USH2A: variants seen among roughly 807,000 people sequenced by gnomAD.
USH2A encodes the protein usherin.
USH2A carries 443 observed loss-of-function variants against 538.9 expected under a neutral mutation model. The ratio of observed to expected loss-of-function variants is 0.82; its 90% CI spans 0.76 to 0.89. The LOEUF (loss-of-function observed/expected upper bound fraction) is 0.89, where lower values mean the gene tolerates loss of function less well. Among genes scored for constraint, USH2A ranks in the 40% least tolerant of loss-of-function variants. The probability of loss-of-function intolerance (pLI) is 0.00; values close to 1 mark genes in which losing one functional copy is unlikely to be tolerated. For missense variants in USH2A, 6,633 were observed against 6,324.8 expected (o/e 1.05, Z -1.65); for synonymous variants, 2,413 against 2,273.5 (o/e 1.06, Z -1.75).
intron 49 of USH2A, among the ~76,000 whole-genome samples, chr1:215,812,002 T>TTTTTTA (rs1662706681): frequency 1.4e-5 from 2 of 141,884 alleles, no homozygotes; most frequent in East Asian, 4.2e-4. Context: ...TTTTTTTTTT[T>TTTTTTA]GAGACAGAGT....
At chr1:216,055,619 T>C (rs1186157237) in intron 30 of USH2A, among the ~76,000 whole-genome samples, 1 of 152,230 alleles carries the variant, frequency 6.6e-6, no homozygotes, top group East Asian at 1.9e-4. Context: ...TAATGACATT[T>C]GTTAAATATG....
chr1:215,669,253 A>G (rs996009850), intron 64 of USH2A, among the ~76,000 whole-genome samples: 1 of 152,138 alleles, frequency 6.6e-6, no homozygotes, highest in Non-Finnish European at 1.5e-5. Flanking sequence ...TGTAAGGGAG[A>G]CTAGATAACT....
chr1:216,339,217 G>GA (rs1391881713), intron 4 of USH2A, among the ~76,000 whole-genome samples: 33 of 151,440 alleles, frequency 2.2e-4, no homozygotes, highest in African/African-American at 7.2e-4. Context: ...GTAATTCTCA[G>GA]AAAAATTATT....
In USH2A at chr1:216,414,139, C is replaced by T. The variant is rs114048877; in HGVS notation, c.651+4375G>A. Among the ~76,000 whole-genome samples, 444 of 152,072 alleles carry T rather than the reference C, an allele frequency of 2.9e-3. 5 individuals carry two copies. Among genetic ancestry groups the T allele is most frequent in the African/African-American group, 0.01 (421 of 41,518 alleles). On this transcript the variant is annotated intron_variant, in intron 3 of 71. Coordinates refer to ENST00000307340, the MANE Select transcript of USH2A (RefSeq NM_206933.4). Reference sequence around the variant, plus strand: ...TGAAAACTAAGCTTTAAAAATTTTGCTAATATGATCAGTGTTCCCTATATG... The same window carrying T: ...TGAAAACTAAGCTTTAAAAATTTTGTTAATATGATCAGTGTTCCCTATATG...
At position 215,807,701 on chromosome 1, in the gene USH2A, A is replaced by G. The variant is rs551014045; in HGVS notation, c.9739+6035T>C. The stretch of plus-strand genomic sequence containing the variant: ...AGGATCAACAAGGATCCTTTGTTTC[A>G]TAGGATCTCAAAGGTCATTAGATGT... On this transcript the variant is annotated intron_variant, in intron 49 of 71. Coordinates refer to ENST00000307340, the MANE Select transcript of USH2A (RefSeq NM_206933.4). Among the ~76,000 whole-genome samples the G allele has an allele frequency of 3.9e-5, 6 of 152,144 alleles. No homozygotes were observed. The East Asian group carries it at 1.2e-3, about 29-fold the overall frequency.
intron 37 of USH2A, among the ~76,000 whole-genome samples, chr1:215,962,369 G>A (rs1265295949): frequency 6.6e-6 from 1 of 151,972 alleles, no homozygotes; most frequent in Admixed American, 6.6e-5. Context: ...ATTCATTGAG[G>A]CATTATTTGA....
intron 61 of USH2A, among the ~76,000 whole-genome samples, chr1:215,719,745 T>A (rs1044122758): frequency 2.0e-5 from 3 of 152,202 alleles, no homozygotes; most frequent in African/African-American, 7.2e-5. Flanking sequence ...AAGCAACATT[T>A]TAGTTCAGAC....
intron 11 of USH2A, among the ~76,000 whole-genome samples, chr1:216,273,310 C>T (rs2036609546): frequency 6.6e-6 from 1 of 151,946 alleles, no homozygotes. Flanking sequence ...ACTGAAGAGC[C>T]GAGGGCAATC....
intron 13 of USH2A, among the ~76,000 whole-genome samples, chr1:216,240,052 A>G (rs2035907564): frequency 6.6e-6 from 1 of 151,486 alleles, no homozygotes; most frequent in Admixed American, 6.6e-5. Context: ...GAGAAAAATG[A>G]CAATCAATTA....
At chr1:215,629,088 A>C in intron 70 of USH2A, 53 bp from the exon 71 acceptor site, 1 of 1,528,076 alleles carries the variant, frequency 6.5e-7, no homozygotes, top group Non-Finnish European at 9.1e-7. Context: ...TGGGCTTGAA[A>C]TATGACAGAG....
intron 10 of USH2A, among the ~76,000 whole-genome samples, chr1:216,289,766 A>G (rs2036965432): frequency 2.0e-5 from 3 of 152,158 alleles, no homozygotes; most frequent in African/African-American, 7.2e-5. Flanking sequence ...AAATTTCTAC[A>G]TATGTGGTAG....
intron 61 of USH2A, among the ~76,000 whole-genome samples, chr1:215,682,810 T>C (rs1658282156): frequency 1.3e-5 from 2 of 152,024 alleles, no homozygotes; most frequent in African/African-American, 4.8e-5. Context: ...AATTTCTGTA[T>C]CATGAAATTA....
chr1:216,007,233 G>A (rs1668415954), intron 32 of USH2A, among the ~76,000 whole-genome samples: 1 of 152,020 alleles, frequency 6.6e-6, no homozygotes, highest in African/African-American at 2.4e-5. Flanking sequence ...ACAGTCTCGG[G>A]TATGTCTTTA....
At chr1:216,148,280 A>G in intron 21 of USH2A, among the ~76,000 whole-genome samples, 1 of 151,480 alleles carries the variant, frequency 6.6e-6, no homozygotes, top group East Asian at 2.0e-4. Context: ...CTTTTTAGTT[A>G]TCCCCACCTG....
rs765817349 is a variant in USH2A at position 215,674,756 on chromosome 1, C to A, written c.13155G>T (p.Lys4385Asn). 2 of 1,614,018 alleles carry A rather than the reference C, an allele frequency of 1.2e-6. No homozygotes were observed. Among genetic ancestry groups the A allele is most frequent in the African/African-American group, 2.7e-5 (2 of 74,926 alleles). The part of the protein sequence containing the change: ...CWSPPTVQNG[K>N]ITKYLVRYDN... ...CATATCTAACTAAATATTTAGTAATCTTTCCATTTTGCACTGTGGGCGGTG... is the reference window on the plus strand; with the variant it reads ...CATATCTAACTAAATATTTAGTAATATTTCCATTTTGCACTGTGGGCGGTG... The change falls in exon 63 of 72, where the codon AAG (lysine) becomes AAT (asparagine). Residue 4385 changes from lysine to asparagine, a missense_variant. By Grantham distance (94) the Lys-to-Asn change is moderately conservative. Transcript: ENST00000307340.
rs140880891 is a variant in USH2A at position 215,830,616 on chromosome 1, C to T, written c.9371+7375G>A. On this transcript the variant is annotated intron_variant, in intron 47 of 71. Transcript: ENST00000307340. The stretch of plus-strand genomic sequence containing the variant: ...GGAGCTGGAAAGATGGGGGACATTT[C>T]AGAGAGAAGAAAGCTAGAAGCTAAT... 3.8e-3 allele frequency among the ~76,000 whole-genome samples: 572 copies of T among 152,262 alleles called. 1 individual carries two copies. The highest frequency in any genetic ancestry group is 6.8e-3 in the Middle Eastern group (2 of 294).
intron 21 of USH2A, among the ~76,000 whole-genome samples, chr1:216,133,554 G>T (rs930890547): frequency 1.3e-5 from 2 of 152,190 alleles, no homozygotes; most frequent in South Asian, 2.1e-4. Flanking sequence ...TGTGATCGTT[G>T]ACTGCTGATC....
chr1:216,090,488 C>G (rs894965635), intron 22 of USH2A, among the ~76,000 whole-genome samples: 1 of 151,166 alleles, frequency 6.6e-6, no homozygotes. Flanking sequence ...GGTTGTCTCT[C>G]ACATGGACAA....
intron 30 of USH2A, among the ~76,000 whole-genome samples, chr1:216,059,171 T>C (rs1350216874): frequency 6.6e-6 from 1 of 152,178 alleles, no homozygotes; most frequent in Non-Finnish European, 1.5e-5. Context: ...GTACATAACA[T>C]ACACATATAC....
Sources: gnomAD v4.1 joint callset for allele counts (sites outside exome capture counted in the v4.1 genomes callset) on GRCh38, gnomAD v4.1.1 for gene constraint, MANE v1.5 for transcripts, NCBI Gene and HGNC (gene_info 2026-07-23, HGNC 2026-07-21) for gene names.